GGT1: variants seen among roughly 807,000 people sequenced by gnomAD.
The protein encoded by GGT1 is glutathione hydrolase 1 proenzyme.
GGT1 carries 21 observed loss-of-function variants against 56.0 expected under a neutral mutation model. The ratio of observed to expected loss-of-function variants is 0.38; its 90% CI spans 0.27 to 0.54. GGT1 has a LOEUF of 0.54. GGT1 is among the 20% of genes least tolerant of loss of function. GGT1 has a pLI of 0.82. For synonymous variants in GGT1, 238 were observed against 342.6 expected, an observed-to-expected ratio of 0.69 and a Z score of 3.37; for missense variants, 466 against 787.0, an observed-to-expected ratio of 0.59 and a Z score of 4.88.
chr22:24,599,067 G>A (rs1465086760), upstream of GGT1: 1 of 152,344 alleles, frequency 6.6e-6, no homozygotes, highest in East Asian at 1.9e-4. Context: ...CAGCTGTCAG[G>A]TGGCTAGGTG....
At chr22:24,585,599 C>G in the GGT1 span, 2 of 484,916 alleles carry the variant, frequency 4.1e-6, no homozygotes, top group Admixed American at 7.5e-5. Flanking sequence ...GGCTGTTGCT[C>G]AGTGACCCTG....
chr22:24,586,810 C>T, the GGT1 span, among the ~76,000 whole-genome samples: 3,429 of 152,334 alleles, frequency 0.023, 62 homozygotes, highest in Non-Finnish European at 0.037. Context: ...GGATTACAGG[C>T]GTGAGCCACT....
the GGT1 span, among the ~76,000 whole-genome samples, chr22:24,587,500 A>G: frequency 5.9e-5 from 9 of 152,336 alleles, no homozygotes; most frequent in Non-Finnish European, 8.8e-5. Flanking sequence ...AGCGTGGCCT[A>G]TTAGGCCCAA....
At chr22:24,619,498 A>G (rs1271170898) in intron 7 of GGT1, among the ~76,000 whole-genome samples, 4 of 151,844 alleles carry the variant, frequency 2.6e-5, no homozygotes, top group Admixed American at 6.6e-5. Flanking sequence ...GAGCCTGGGA[A>G]GCCAAGGCTG....
the GGT1 span, chr22:24,588,479 AC>A: frequency 1.2e-5 from 9 of 754,988 alleles, no homozygotes; most frequent in Admixed American, 2.3e-5. Context: ...TCCCCCTCCT[AC>A]CCCCCAACCC....
intron 7 of GGT1, among the ~76,000 whole-genome samples, chr22:24,615,669 A>G (rs2047014098): frequency 6.6e-6 from 1 of 152,182 alleles, no homozygotes; most frequent in Non-Finnish European, 1.5e-5. Flanking sequence ...ATGGTGCTCT[A>G]GAATGTGAGG....
At chr22:24,605,926 T>TATATTATATATAATATATA (rs1343184807) in intron 1 of GGT1, among the ~76,000 whole-genome samples, 1 of 93,786 alleles carries the variant, frequency 1.1e-5, no homozygotes, top group African/African-American at 4.4e-5. Context: ...ATGTGTATTA[T>TATATTATATATAATATATA]ATATTATATA....
intron 1 of GGT1, among the ~76,000 whole-genome samples, chr22:24,605,125 GTAATATATTATA>G (rs1288706649): frequency 2.6e-5 from 2 of 78,328 alleles, no homozygotes; most frequent in Non-Finnish European, 4.4e-5. Flanking sequence ...TATATAATAT[GTAATATATTATA>G]TAATATATAA....
intron 7 of GGT1, among the ~76,000 whole-genome samples, chr22:24,619,777 C>T (rs4049855): frequency 2.7e-5 from 4 of 149,318 alleles, no homozygotes; most frequent in Non-Finnish European, 5.9e-5. Flanking sequence ...GGCACATTCT[C>T]GTGGAGCCCA....
chr22:24,615,519 G>A (rs1348026462), intron 7 of GGT1, among the ~76,000 whole-genome samples: 18 of 152,156 alleles, frequency 1.2e-4, no homozygotes, highest in African/African-American at 4.8e-5. Flanking sequence ...TACAGGGTGG[G>A]GATGCTGAGG....
chr22:24,623,209 C>T lies in GGT1; in HGVS notation c.836C>T (p.Ala279Val), dbSNP rs751075228. ...GACGTGGTGCTGTACATGCCCAGTG[C>T]GCCGCTCAGCGGGCCCGTGCTGGCC... ...LGDVVLYMPSAPLSGPVLALI... is the reference protein window; with the variant it reads ...LGDVVLYMPSVPLSGPVLALI... The change falls in exon 10 of 16, where the codon GCG (alanine) becomes GTG (valine). Residue 279 changes from alanine (A) to valine (V), a missense_variant. Around this residue, in one of 2 missense-constraint regions of GGT1, gnomAD observed 456 missense variants for 716.7 expected, o/e 0.64. Coordinates refer to ENST00000400382, the MANE Select transcript of GGT1 (RefSeq NM_001288833.2). The T allele has an allele frequency of 5.4e-5, 87 of 1,599,816 alleles. No individual in the cohort carries two copies. The highest frequency in any genetic ancestry group is 7.8e-5 in the South Asian group (7 of 89,758).
At chr22:24,592,847 C>T (rs1425292537), upstream of GGT1, 2 of 1,274,644 alleles carry the variant, frequency 1.6e-6, no homozygotes, top group Non-Finnish European at 9.9e-7. Context: ...CAGGGGCGGA[C>T]GGCTCCTTCT....
Position 24,605,037 on chromosome 22 carries a change from A to AT in GGT1, c.-429+1510_-429+1511insT, listed in dbSNP as rs1569047530. On this transcript the variant is annotated intron_variant, in intron 1 of 15. Coordinates refer to ENST00000400382, the MANE Select transcript of GGT1 (RefSeq NM_001288833.2). ...ATCCTGTATGTCATATATATATATA[A>AT]AATATGTAATATATTATATATTATA... 6.0e-5 allele frequency among the ~76,000 whole-genome samples: 3 copies of AT among 50,020 alleles called. 1 individual carries two copies. In the East Asian group the frequency reaches 1.3e-3, roughly 22 times the overall value. The allele number at this position is 50,020 out of a possible 152,430, so 32.8% of individuals were successfully genotyped here.
chr22:24,628,476 T>C lies in GGT1; in HGVS notation c.1563+88T>C. ...GCCTGGATCATCACAGAGTGGACAATGGTTGGTGTCCTCTCTCTAGTGCCT... is the reference window on the plus strand; with the variant it reads ...GCCTGGATCATCACAGAGTGGACAACGGTTGGTGTCCTCTCTCTAGTGCCT... On this transcript the variant is annotated intron_variant, in intron 15 of 15. Transcript: ENST00000400382. The surrounding 1 kb of genome is among the most constrained non-coding windows in gnomAD (Gnocchi z 5.7). 1.3e-6 allele frequency: 2 copies of C among 1,561,278 alleles called. No homozygotes were observed. Among genetic ancestry groups the C allele is most frequent in the South Asian group, 2.2e-5 (2 of 89,242 alleles).
At chr22:24,613,751 G>GAAAAAA (rs1183814203) in intron 5 of GGT1, among the ~76,000 whole-genome samples, 1 of 120,226 alleles carries the variant, frequency 8.3e-6, no homozygotes, top group African/African-American at 3.4e-5. Context: ...CTCCCTCTCA[G>GAAAAAA]AAAAAAAAAA....
chr22:24,628,665 C>G lies in GGT1; in HGVS notation c.1564-28C>G, dbSNP rs765529022. The stretch of plus-strand genomic sequence containing the variant: ...TTCAGGTGGCATCTGGAGCCCTGCT[C>G]AGGCTTCCCCTCTCCTCCCACCCCC... On this transcript the variant is annotated intron_variant, in intron 15 of 15. Coordinates refer to ENST00000400382, the MANE Select transcript of GGT1 (RefSeq NM_001288833.2). This position sits in a 1 kb window ranked among gnomAD's most constrained non-coding sequence, Gnocchi z 5.7. 8.7e-6 allele frequency: 14 copies of G among 1,610,844 alleles called. No individual in the cohort carries two copies. In the Admixed American group the frequency reaches 1.0e-4, roughly 12 times the overall value.
At chr22:24,584,660 G>A in the GGT1 span, among the ~76,000 whole-genome samples, 1 of 152,052 alleles carries the variant, frequency 6.6e-6, no homozygotes, top group Non-Finnish European at 1.5e-5. Flanking sequence ...GAGGACCCCT[G>A]CCTCCTCCTT....
chr22:24,617,876 G>C (rs1188968730), intron 7 of GGT1, among the ~76,000 whole-genome samples: 1 of 151,870 alleles, frequency 6.6e-6, no homozygotes, highest in Non-Finnish European at 1.5e-5. Context: ...AGAGGGGAGA[G>C]TAGGAGCTAG....
At chr22:24,587,855 C>T in the GGT1 span, among the ~76,000 whole-genome samples, 10 of 152,166 alleles carry the variant, frequency 6.6e-5, no homozygotes, top group Non-Finnish European at 1.2e-4. Flanking sequence ...CTGCCTCCCC[C>T]GCAACCTGTT....
Sources: allele counts gnomAD v4.1 joint callset (sites outside exome capture counted in the v4.1 genomes callset), GRCh38; gene constraint gnomAD v4.1.1; regional missense constraint gnomAD v4.1.1; non-coding constraint Gnocchi (gnomAD v3.1); transcripts MANE v1.5; gene names NCBI Gene and HGNC (gene_info 2026-07-23, HGNC 2026-07-21).